PADI4: variants seen among roughly 807,000 people sequenced by gnomAD.
PADI4 encodes protein-arginine deiminase type-4.
A neutral mutation model predicts 75.0 loss-of-function variants in PADI4; 62 were observed. That is an observed-to-expected ratio of 0.83 (90% CI 0.67 to 1.02). PADI4 has a LOEUF of 1.02. PADI4 is among the 50% of genes least tolerant of loss of function. PADI4 has a pLI of 0.00. For synonymous variants in PADI4, 361 were observed against 348.1 expected (o/e 1.04, Z -0.41); for missense variants, 845 against 850.5 (o/e 0.99, Z 0.08).
At chr1:17,335,115 A>G (rs2074287314) in intron 3 of PADI4, among the ~76,000 whole-genome samples, 1 of 151,988 alleles carries the variant, frequency 6.6e-6, no homozygotes, top group Non-Finnish European at 1.5e-5. Flanking sequence ...AGCCTGGGTG[A>G]CAGAGTGAGA....
In PADI4 at chr1:17,356,674, A is replaced by G. The variant is rs1414832949; in HGVS notation, c.1558+215A>G. On this transcript the variant is annotated intron_variant, in intron 13 of 15. Coordinates refer to ENST00000375448, the MANE Select transcript of PADI4 (RefSeq NM_012387.3). This position sits in a 1 kb window ranked among gnomAD's most constrained non-coding sequence, Gnocchi z 4.1. ...CCAGGGGGAAGTGAGTCAAAAGAAC[A>G]GCTCCAACACAGGGGCTTTGAGGGG... Among the ~76,000 whole-genome samples the G allele has an allele frequency of 1.3e-5, 2 of 152,192 alleles. No individual in the cohort carries two copies. Among genetic ancestry groups the G allele is most frequent in the African/African-American group, 2.4e-5 (1 of 41,452 alleles).
In PADI4 at chr1:17,336,229, A is replaced by AC. The variant is rs750320640; in HGVS notation, c.408+5dup. ...CAACCAGAGCTGTGAAAGATCAGGT[A>AC]CCACTCACCCAAACGCTCCTTTCCT... On this transcript the variant is annotated splice_donor_region_variant and intron_variant, in intron 4 of 15. Transcript: ENST00000375448. The AC allele has an allele frequency of 6.2e-7, 1 of 1,611,982 alleles. No homozygotes were observed. Among genetic ancestry groups the AC allele is most frequent in the African/African-American group, 1.3e-5 (1 of 75,030 alleles).
intron 1 of PADI4, among the ~76,000 whole-genome samples, chr1:17,318,823 C>CT (rs2073985840): frequency 1.3e-5 from 2 of 150,892 alleles, no homozygotes; most frequent in Non-Finnish European, 3.0e-5. Context: ...GTAGCTGGGA[C>CT]TACAGGCACC....
rs1428154027 is a variant in PADI4, at chr1:17,346,456, C to T, written c.1047+317C>T. Among the ~76,000 whole-genome samples, 1 of 152,170 alleles carries T rather than the reference C, an allele frequency of 6.6e-6. No homozygotes were observed. The highest frequency in any genetic ancestry group is 1.5e-5 in the Non-Finnish European group (1 of 68,026). ...CAACCAGCCCCTCAAGTGGTCCTCC[C>T]TCCAGGCTGTCCATCTTGGGCCCAG... is the stretch of plus-strand genomic sequence containing the variant. On this transcript the variant is annotated intron_variant, in intron 9 of 15. Coordinates refer to ENST00000375448, the MANE Select transcript of PADI4 (RefSeq NM_012387.3). This position sits in a 1 kb window ranked among gnomAD's most constrained non-coding sequence, Gnocchi z 4.3.
intron 2 of PADI4, among the ~76,000 whole-genome samples, chr1:17,332,565 T>C (rs570350215): frequency 6.6e-6 from 1 of 152,298 alleles, no homozygotes; most frequent in African/African-American, 2.4e-5. Context: ...ATCCTCAACT[T>C]AGATCTGCAA....
At chr1:17,336,343 AAG>A in intron 4 of PADI4, 117 bp downstream of exon 4, 1 of 692,326 alleles carries the variant, frequency 1.4e-6, no homozygotes. Context: ...CTGTTAAAAA[AAG>A]AAAGAAAATT....
chr1:17,337,384 G>C (rs192478734), intron 4 of PADI4, among the ~76,000 whole-genome samples: 3 of 152,230 alleles, frequency 2.0e-5, no homozygotes, highest in African/African-American at 7.2e-5. Context: ...GACCTCAGGT[G>C]ATCTGCCTGC....
At chr1:17,349,943 C>G (rs1286054031) in intron 10 of PADI4, among the ~76,000 whole-genome samples, 1 of 122,414 alleles carries the variant, frequency 8.2e-6, no homozygotes, top group Non-Finnish European at 1.8e-5. Context: ...ATATGCCGTT[C>G]CCTCTGCTTG....
At chr1:17,310,403 C>T (rs1026101446) in intron 1 of PADI4, among the ~76,000 whole-genome samples, 2 of 152,238 alleles carry the variant, frequency 1.3e-5, no homozygotes, top group Admixed American at 6.5e-5. Context: ...CCCCAGACAG[C>T]GCCTCCCTCC....
At chr1:17,342,250 C>T in intron 7 of PADI4, 49 bp from the exon 8 acceptor site, 1 of 1,420,458 alleles carries the variant, frequency 7.0e-7, no homozygotes, top group Non-Finnish European at 9.9e-7. Flanking sequence ...AGGTGCTGGG[C>T]CCTGGCAGCG....
At chr1:17,336,963 G>A (rs1367212936) in intron 4 of PADI4, among the ~76,000 whole-genome samples, 1 of 152,206 alleles carries the variant, frequency 6.6e-6, no homozygotes, top group African/African-American at 2.4e-5. Flanking sequence ...CTACAGGGTG[G>A]GGCTGCTTAA....
At position 17,333,229 on chromosome 1, in the gene PADI4, G is replaced by C. The variant is rs982762258; in HGVS notation, c.274-714G>C. On this transcript the variant is annotated intron_variant, in intron 2 of 15. Coordinates refer to ENST00000375448, the MANE Select transcript of PADI4 (RefSeq NM_012387.3). ...TGACACCATGGTCCAGGCAGAGGCA[G>C]TGATGGCCGTGGCGTTTTCCTGGAT... Among the ~76,000 whole-genome samples, 6 of 152,262 alleles carry C rather than the reference G, an allele frequency of 3.9e-5. No individual in the cohort carries two copies. The East Asian group carries it at 1.2e-3, about 30-fold the overall frequency.
chr1:17,353,084 A>G (rs2074694780), intron 10 of PADI4, among the ~76,000 whole-genome samples: 1 of 152,174 alleles, frequency 6.6e-6, no homozygotes, highest in South Asian at 2.1e-4. Context: ...AGACCTGGAC[A>G]AGGAAAGCTT....
chr1:17,361,926 G>A (rs1261702532), intron 15 of PADI4, among the ~76,000 whole-genome samples: 1 of 152,210 alleles, frequency 6.6e-6, no homozygotes, highest in Non-Finnish European at 1.5e-5. Context: ...GGAGTTATGG[G>A]AACACAGAGC....
intron 13 of PADI4, among the ~76,000 whole-genome samples, chr1:17,357,961 A>G (rs2074788935): frequency 6.7e-6 from 1 of 148,780 alleles, no homozygotes; most frequent in South Asian, 2.1e-4. Context: ...GAAAATATTA[A>G]ACTAGGCCAA....
In PADI4 at chr1:17,356,082, C is replaced by T; in HGVS notation, c.1410C>T (p.Gly470=). 1.9e-6 allele frequency: 3 copies of T among 1,614,176 alleles called. No homozygotes were observed. The highest frequency in any genetic ancestry group is 2.5e-6 in the Non-Finnish European group (3 of 1,180,002). ...TCTATTCTGACTGGCTGTCCGTGGG[C>T]CACGTGGACGAGTTCCTGAGCTTTG... ...VKLYSDWLSV[G]HVDEFLSFVP... is the part of the protein sequence containing the mutation. The change falls in exon 12 of 16, where the codon GGC becomes GGT. Residue 470 remains glycine, a synonymous_variant. Transcript: ENST00000375448. This position sits in a 1 kb window ranked among gnomAD's most constrained non-coding sequence, Gnocchi z 4.1.
rs1250648539 is a variant in PADI4 at position 17,341,980 on chromosome 1, T to C, written c.690T>C (p.Gly230=). 8 of 1,613,934 alleles carry C rather than the reference T, an allele frequency of 5.0e-6. No individual in the cohort carries two copies. Among genetic ancestry groups the C allele is most frequent in the Non-Finnish European group, 6.8e-6 (8 of 1,179,980 alleles). ...KLSSKCSVVL[G]PKWPSHYLMV... The stretch of plus-strand genomic sequence containing the variant: ...CCTCCAAGTGCAGCGTAGTCTTGGG[T>C]CCCAAGTGGCCCTCTCACTACCTGA... The change falls in exon 7 of 16, where the codon GGT becomes GGC. Residue 230 remains glycine (G), a synonymous_variant. Coordinates refer to ENST00000375448, the MANE Select transcript of PADI4 (RefSeq NM_012387.3).
At chr1:17,351,779 G>A (rs2074629569) in intron 10 of PADI4, among the ~76,000 whole-genome samples, 2 of 151,956 alleles carry the variant, frequency 1.3e-5, no homozygotes. Context: ...CAGTGCAAAG[G>A]CCCTGGGGCA....
intron 15 of PADI4, 57 bp from the exon 16 acceptor site, chr1:17,363,464 AG>A: frequency 8.1e-7 from 1 of 1,238,294 alleles, no homozygotes; most frequent in East Asian, 2.4e-5. Context: ...GGGGCCGCTC[AG>A]ATTGCGCTGC....
Sources: allele counts gnomAD v4.1 joint callset (sites outside exome capture counted in the v4.1 genomes callset), GRCh38; gene constraint gnomAD v4.1.1; non-coding constraint Gnocchi (gnomAD v3.1); transcripts MANE v1.5; gene names NCBI Gene and HGNC (gene_info 2026-07-23, HGNC 2026-07-21).